Variants in THADA observed in about 807,000 individuals in gnomAD.
The protein encoded by THADA is THADA armadillo repeat containing.
A neutral mutation model predicts 219.8 loss-of-function variants in THADA; 213 were observed. That is an observed-to-expected ratio of 0.97 (90% confidence interval 0.87 to 1.09). The LOEUF is 1.09. THADA is among the 50% of genes least tolerant of loss of function. The probability of loss-of-function intolerance (pLI) is 0.00; values close to 1 mark genes in which losing one functional copy is unlikely to be tolerated. For synonymous variants in THADA, 1,018 were observed against 828.9 expected, an observed-to-expected ratio of 1.23 and a Z score of -3.92; for missense variants, 2,956 against 2,311.3, an observed-to-expected ratio of 1.28 and a Z score of -5.72.
At chr2:43,318,144 A>T (rs1388892525) in intron 31 of THADA, among the ~76,000 whole-genome samples, 5 of 151,982 alleles carry the variant, frequency 3.3e-5, no homozygotes, top group African/African-American at 7.3e-5. Context: ...GGTTGAAGTA[A>T]TCCTCCTGTC....
chr2:43,268,675 G>T (rs188827941), intron 36 of THADA, among the ~76,000 whole-genome samples: 4 of 152,180 alleles, frequency 2.6e-5, no homozygotes, highest in Admixed American at 2.0e-4. Context: ...TGAGGGAGGG[G>T]TCGCCACCGT....
At chr2:43,433,955 C>T (rs964063425) in intron 26 of THADA, among the ~76,000 whole-genome samples, 6 of 152,186 alleles carry the variant, frequency 3.9e-5, no homozygotes, top group Non-Finnish European at 7.3e-5. Flanking sequence ...TCCCACAGTG[C>T]TGGGATTACA....
intron 21 of THADA, among the ~76,000 whole-genome samples, chr2:43,531,558 C>G (rs995106941): frequency 6.6e-6 from 1 of 152,174 alleles, no homozygotes; most frequent in African/African-American, 2.4e-5. Flanking sequence ...AGAAACACAC[C>G]AGGCTGACAG....
At position 43,586,956 on chromosome 2, in the gene THADA, G is replaced by T. The variant is rs61756227; in HGVS notation, c.349C>A (p.Arg117Ser). ...TCTTCCTGAAGACGAGAAGTAAAACGGTGCATAGCCTCAGGTAGAAAAAAA... is the reference window on the plus strand; with the variant it reads ...TCTTCCTGAAGACGAGAAGTAAAACTGTGCATAGCCTCAGGTAGAAAAAAA... ...PDFFLPEAMHRFTSRLQEELN... is the reference protein window; with the variant it reads ...PDFFLPEAMHSFTSRLQEELN... The change falls in exon 5 of 38, where the codon CGT (arginine) becomes AGT (serine). Residue 117 changes from arginine to serine, a missense_variant. Coordinates refer to ENST00000405975, the MANE Select transcript of THADA (RefSeq NM_022065.5). 9 of 1,613,464 alleles carry T rather than the reference G, an allele frequency of 5.6e-6. No individual in the cohort carries two copies. In the African/African-American group the frequency reaches 1.1e-4, roughly 19 times the overall value.
intron 26 of THADA, among the ~76,000 whole-genome samples, chr2:43,464,956 G>C (rs919873811): frequency 6.6e-6 from 1 of 151,954 alleles, no homozygotes; most frequent in African/African-American, 2.4e-5. Context: ...CAAGAACAGG[G>C]GGAAAAAACC....
intron 30 of THADA, among the ~76,000 whole-genome samples, chr2:43,335,626 G>T (rs1460450110): frequency 6.6e-6 from 1 of 152,088 alleles, no homozygotes; most frequent in Non-Finnish European, 1.5e-5. Context: ...TTTGTTGAAT[G>T]AAGTAATACA....
intron 31 of THADA, among the ~76,000 whole-genome samples, chr2:43,297,965 C>G (rs1366703524): frequency 5.1e-5 from 4 of 77,872 alleles, no homozygotes; most frequent in African/African-American, 9.0e-5. Flanking sequence ...GGTCAGCCCC[C>G]CGCCCGGCCA....
chr2:43,505,691 C>A lies in THADA; in HGVS notation c.3552G>T (p.Leu1184Phe). 2 of 1,592,578 alleles carry A rather than the reference C, an allele frequency of 1.3e-6. No homozygotes were observed. The highest frequency in any genetic ancestry group is 1.1e-5 in the South Asian group (1 of 87,548). The change falls in exon 24 of 38, where the codon TTG becomes TTT. Residue 1184 changes from leucine (L) to phenylalanine (F), a missense_variant. By Grantham distance (22) the Leu-to-Phe change is conservative. Coordinates refer to ENST00000405975, the MANE Select transcript of THADA (RefSeq NM_022065.5). ...AGATTAACTCTTTCATTGTTATTTT[C>A]AACAAATCCATTCTGCCTTTCTTTG... ...SEPKKGRMDL[L>F]KITMKELISL...
intron 26 of THADA, among the ~76,000 whole-genome samples, chr2:43,476,709 C>T (rs116743055): frequency 0.018 from 2,679 of 152,182 alleles, 35 homozygotes; most frequent in African/African-American, 0.043. Context: ...TTCTCCCTGT[C>T]GGCACTCTTC....
chr2:43,354,341 G>A (rs1668636766), intron 29 of THADA, among the ~76,000 whole-genome samples: 1 of 151,876 alleles, frequency 6.6e-6, no homozygotes, highest in Admixed American at 6.6e-5. Context: ...GATGTGTACT[G>A]ACCATTTATC....
At chr2:43,436,666 A>G (rs1284821333) in intron 26 of THADA, among the ~76,000 whole-genome samples, 8 of 152,196 alleles carry the variant, frequency 5.3e-5, no homozygotes, top group Admixed American at 1.3e-4. Context: ...GACTGTACTT[A>G]AGCAATCCTT....
chr2:43,470,327 G>C lies in THADA; in HGVS notation c.3836+14907C>G, dbSNP rs1390126505. Among the ~76,000 whole-genome samples the C allele has an allele frequency of 2.0e-5, 3 of 151,832 alleles. No homozygotes were observed. In the East Asian group the frequency reaches 5.8e-4, roughly 29 times the overall value. The stretch of plus-strand genomic sequence containing the variant: ...TTACACCTAGGAGAATCTATCTGTA[G>C]GAAATAACCCTACACATTAAAACAT... On this transcript the variant is annotated intron_variant, in intron 26 of 37. Coordinates refer to ENST00000405975, the MANE Select transcript of THADA (RefSeq NM_022065.5).
chr2:43,552,425 T>C (rs776682538), intron 17 of THADA, 86 bp from the exon 18 acceptor site: 22 of 1,380,370 alleles, frequency 1.6e-5, no homozygotes, highest in African/African-American at 8.7e-5. Flanking sequence ...CCCATTAATA[T>C]GGCCAACTCA....
chr2:43,307,977 T>C (rs1677052704), intron 31 of THADA, among the ~76,000 whole-genome samples: 1 of 152,106 alleles, frequency 6.6e-6, no homozygotes. Context: ...TAAAGGGAGA[T>C]ATAGAAGATA....
At chr2:43,428,067 A>C (rs1238026724) in intron 28 of THADA, 33 bp downstream of exon 28, 4 of 1,519,778 alleles carry the variant, frequency 2.6e-6, no homozygotes, top group Non-Finnish European at 3.5e-6. Context: ...CTCCCACGCC[A>C]ACCTAGACAA....
chr2:43,537,374 C>G (rs1260792970), intron 21 of THADA, among the ~76,000 whole-genome samples: 1 of 152,150 alleles, frequency 6.6e-6, no homozygotes, highest in Admixed American at 6.5e-5. Context: ...TCTTTATTTT[C>G]CCACGATATC....
chr2:43,540,353 A>G (rs1200544227), intron 21 of THADA, among the ~76,000 whole-genome samples: 3 of 152,196 alleles, frequency 2.0e-5, no homozygotes. Context: ...AGAGTGTGAG[A>G]AAAAAAGTAT....
chr2:43,546,645 G>A (rs1312060970), intron 20 of THADA, among the ~76,000 whole-genome samples: 1 of 151,974 alleles, frequency 6.6e-6, no homozygotes, highest in Non-Finnish European at 1.5e-5. Context: ...TGTCTCTTTT[G>A]ATCTTTGTTG....
At chr2:43,453,173 T>C (rs1682572112) in intron 26 of THADA, among the ~76,000 whole-genome samples, 1 of 152,212 alleles carries the variant, frequency 6.6e-6, no homozygotes, top group Non-Finnish European at 1.5e-5. Flanking sequence ...TGATGTCTGG[T>C]ATACACATAT....
Sources: allele counts gnomAD v4.1 joint callset (sites outside exome capture counted in the v4.1 genomes callset), GRCh38; gene constraint gnomAD v4.1.1; transcripts MANE v1.5; gene names NCBI Gene and HGNC (gene_info 2026-07-23, HGNC 2026-07-21).